EAPP: variants seen among roughly 807,000 people sequenced by gnomAD.
EAPP encodes the protein E2F associated phosphoprotein.
In EAPP, 38 loss-of-function variants were observed where a neutral mutation model predicts 34.3. The ratio of observed to expected loss-of-function variants is 1.11; its 90% confidence interval spans 0.85 to 1.45. The LOEUF is 1.45. EAPP is among the 40% of genes most tolerant of loss of function. The pLI is 0.00. For synonymous variants in EAPP, 113 were observed against 117.6 expected, an observed-to-expected ratio of 0.96 and a Z score of 0.25; for missense variants, 338 against 343.7, an observed-to-expected ratio of 0.98 and a Z score of 0.13.
intron 4 of EAPP, among the ~76,000 whole-genome samples, chr14:34,528,681 A>G (rs181300331): frequency 2.6e-5 from 4 of 151,268 alleles, no homozygotes; most frequent in East Asian, 3.9e-4. Flanking sequence ...CGGCCTCCCA[A>G]AGTTGCTGGG....
intron 3 of EAPP, among the ~76,000 whole-genome samples, chr14:34,530,904 C>CAAAAAAAAAAA (rs780101001): frequency 3.0e-3 from 164 of 55,014 alleles, no homozygotes; most frequent in Non-Finnish European, 3.1e-3. Flanking sequence ...CAATCTTTAC[C>CAAAAAAAAAAA]AAAAAAAAAA....
intron 1 of EAPP, among the ~76,000 whole-genome samples, chr14:34,536,766 T>G (rs1047906879): frequency 1.3e-5 from 2 of 152,078 alleles, no homozygotes; most frequent in African/African-American, 2.4e-5. Context: ...CAGGCTGTAG[T>G]ACAGTGGCAT....
chr14:34,536,920 G>A (rs1484752173), intron 1 of EAPP, among the ~76,000 whole-genome samples: 3 of 151,896 alleles, frequency 2.0e-5, no homozygotes. Context: ...TCCTGGTTGT[G>A]ATACTGCACT....
chr14:34,522,847 A>C (rs915507160), intron 5 of EAPP, among the ~76,000 whole-genome samples: 2 of 152,094 alleles, frequency 1.3e-5, no homozygotes, highest in African/African-American at 4.8e-5. Flanking sequence ...ATCCTCAGGG[A>C]TATTTTTTCC....
At chr14:34,528,122 A>C (rs1880154901) in intron 4 of EAPP, among the ~76,000 whole-genome samples, 1 of 149,996 alleles carries the variant, frequency 6.7e-6, no homozygotes, top group Non-Finnish European at 1.5e-5. Context: ...GCTCACTGCA[A>C]CCTCCACCTC....
At chr14:34,529,598 G>T in intron 3 of EAPP, 123 bp from the exon 4 acceptor site, 1 of 785,272 alleles carries the variant, frequency 1.3e-6, no homozygotes, top group Non-Finnish European at 2.0e-6. Context: ...GTTAAAAAAG[G>T]GACGGGCGCA....
chr14:34,529,759 T>C (rs1325181231), intron 3 of EAPP, among the ~76,000 whole-genome samples: 1 of 152,056 alleles, frequency 6.6e-6, no homozygotes, highest in Non-Finnish European at 1.5e-5. Flanking sequence ...CTCACGCCTG[T>C]AATCCCAGCA....
rs200609681 is a variant in EAPP, at chr14:34,529,422, C to T, written c.406G>A (p.Glu136Lys). 1.4e-3 allele frequency: 2,327 copies of T among 1,613,386 alleles called. 6 individuals are homozygous for T. The highest frequency in any genetic ancestry group is 1.7e-3 in the Non-Finnish European group (2,030 of 1,179,860). The change falls in exon 4 of 6, where the codon GAA (glutamate) becomes AAA (lysine). Residue 136 changes from glutamate to lysine, a missense_variant. Transcript: ENST00000250454. Reference sequence around the variant, plus strand: ...TCTTTTTCAGGATCATACAGTAATTCGTCATTTGTTGGAATCTTGTGTTGT... The same window carrying T: ...TCTTTTTCAGGATCATACAGTAATTTGTCATTTGTTGGAATCTTGTGTTGT... ...KKQHKIPTND[E>K]LLYDPEKDNR...
chr14:34,534,932 C>T lies in EAPP; in HGVS notation c.256+1162G>A, dbSNP rs141290730. On this transcript the variant is annotated intron_variant, in intron 2 of 5. Coordinates refer to ENST00000250454, the MANE Select transcript of EAPP (RefSeq NM_018453.4). ...TCGGCTCACTGCAACCTCTGCCTCC[C>T]GGGTTTAAGCGATTCTCCTGCCTGG... 5.5e-3 allele frequency among the ~76,000 whole-genome samples: 836 copies of T among 152,044 alleles called. 28 individuals carry two copies. The highest frequency in any genetic ancestry group is 0.05 in the Admixed American group (754 of 15,218).
intron 5 of EAPP, among the ~76,000 whole-genome samples, chr14:34,522,103 C>T (rs567354853): frequency 2.6e-5 from 4 of 152,158 alleles, no homozygotes; most frequent in Admixed American, 1.3e-4. Context: ...GGTCTATAAG[C>T]GTATGCCAAG....
chr14:34,517,415 A>AT (rs1336996529), intron 5 of EAPP, among the ~76,000 whole-genome samples: 2 of 151,088 alleles, frequency 1.3e-5, no homozygotes, highest in Non-Finnish European at 2.9e-5. Flanking sequence ...CACCTGGCTA[A>AT]TTTTGTATTT....
chr14:34,519,946 G>A (rs929975370), intron 5 of EAPP, among the ~76,000 whole-genome samples: 4 of 149,660 alleles, frequency 2.7e-5, no homozygotes, highest in African/African-American at 7.4e-5. Context: ...GTGCAGTGGC[G>A]CAATCTTGGC....
At chr14:34,525,102 C>T (rs1271265190) in intron 4 of EAPP, among the ~76,000 whole-genome samples, 6 of 151,996 alleles carry the variant, frequency 3.9e-5, no homozygotes, top group African/African-American at 1.4e-4. Flanking sequence ...TGGATTACAA[C>T]CCAAAGTATA....
intron 5 of EAPP, among the ~76,000 whole-genome samples, chr14:34,520,528 G>C (rs1879885186): frequency 6.6e-6 from 1 of 150,496 alleles, no homozygotes; most frequent in South Asian, 2.1e-4. Flanking sequence ...CTGAGACAGA[G>C]TCTCACTCTG....
chr14:34,522,125 G>GT (rs559974762), intron 5 of EAPP, among the ~76,000 whole-genome samples: 13 of 151,838 alleles, frequency 8.6e-5, no homozygotes, highest in Non-Finnish European at 1.6e-4. Context: ...CACCAACTAA[G>GT]TTTTTTTCGT....
At chr14:34,528,003 G>C (rs1265019795) in intron 4 of EAPP, among the ~76,000 whole-genome samples, 1 of 151,744 alleles carries the variant, frequency 6.6e-6, no homozygotes, top group African/African-American at 2.4e-5. Flanking sequence ...TTGCAGAGCA[G>C]GGCTACTCCA....
At chr14:34,531,435 T>C (rs1673307709) in intron 3 of EAPP, among the ~76,000 whole-genome samples, 1 of 151,708 alleles carries the variant, frequency 6.6e-6, no homozygotes, top group African/African-American at 2.4e-5. Context: ...ACCCCATCTC[T>C]ACTAAGAATG....
Position 34,539,632 on chromosome 14 carries a change from G to A in EAPP, c.-4C>T. On this transcript the variant is annotated 5_prime_UTR_variant, in exon 1 of 6. Coordinates refer to ENST00000250454, the MANE Select transcript of EAPP (RefSeq NM_018453.4). ...AGTCATCCGGAAGCCGGTTCATGGT[G>A]GCCTGCAGCGGCCTACACCGTCCAC... 1 of 1,562,180 alleles carries A rather than the reference G, an allele frequency of 6.4e-7. No homozygotes were observed. The highest frequency in any genetic ancestry group is 8.7e-7 in the Non-Finnish European group (1 of 1,153,358).
chr14:34,537,584 A>G (rs1431505703), intron 1 of EAPP, among the ~76,000 whole-genome samples: 1 of 152,236 alleles, frequency 6.6e-6, no homozygotes, highest in East Asian at 1.9e-4. Flanking sequence ...GCAGCGAACA[A>G]CAACCTTGAG....
Sources: gnomAD v4.1 joint callset for allele counts (sites outside exome capture counted in the v4.1 genomes callset) on GRCh38, gnomAD v4.1.1 for gene constraint, MANE v1.5 for transcripts, NCBI Gene and HGNC (gene_info 2026-07-23, HGNC 2026-07-21) for gene names.